Variants in OR10K2 observed in about 807,000 individuals in gnomAD.
The protein encoded by OR10K2 is olfactory receptor family 10 subfamily K member 2, also known as olfactory receptor 10K2.
For missense variants in OR10K2, 401 were observed against 367.1 expected, an observed-to-expected ratio of 1.09 and a Z score of -0.76; for synonymous variants, 169 against 146.4, an observed-to-expected ratio of 1.15 and a Z score of -1.11.
chr1:158,419,767 C>A lies in OR10K2; in HGVS notation c.*161G>T. The A allele has an allele frequency of 1.7e-6, 1 of 594,314 alleles. No individual in the cohort carries two copies. The highest frequency in any genetic ancestry group is 1.9e-5 in the African/African-American group (1 of 53,560). 36.8% of individuals were successfully genotyped at this position (594,314 alleles called of 1,614,324 possible). A position where few individuals can be genotyped will look rare whatever the true frequency, so the allele number is the denominator to read the frequency against. ...CTGAGATTACAGGAGCCCACCACAG[C>A]ATCCGGTTAATTTGTATATTTTTTG... On this transcript the variant is annotated 3_prime_UTR_variant, in exon 2 of 2. Transcript: ENST00000641042.
intron 1 of OR10K2, among the ~76,000 whole-genome samples, chr1:158,424,783 C>T (rs1400364678): frequency 7.7e-6 from 1 of 130,408 alleles, no homozygotes; most frequent in Admixed American, 7.5e-5. Context: ...CAGTATTCAA[C>T]ACTCTCCTTC....
chr1:158,420,418 G>T lies in OR10K2; in HGVS notation c.449C>A (p.Ala150Asp), dbSNP rs780983691. 1 of 1,613,892 alleles carries T rather than the reference G, an allele frequency of 6.2e-7. No homozygotes were observed. Among genetic ancestry groups the T allele is most frequent in the Non-Finnish European group, 8.5e-7 (1 of 1,179,918 alleles). The change falls in exon 2 of 2, where the codon GCC (alanine) becomes GAC (aspartate). Residue 150 changes from alanine (A) to aspartate (D), a missense_variant. Transcript: ENST00000641042. The stretch of plus-strand genomic sequence containing the variant: ...GATCTGTGCAACAGTGAAGCCACAG[G>T]CACAGGCAGCAGCCACTAGTCCCAT... ...VCMGLVAAACACGFTVAQIIT... is the reference protein window; with the variant it reads ...VCMGLVAAACDCGFTVAQIIT...
At chr1:158,424,426 A>G (rs1250280276) in intron 1 of OR10K2, among the ~76,000 whole-genome samples, 2 of 151,984 alleles carry the variant, frequency 1.3e-5, no homozygotes, top group Non-Finnish European at 2.9e-5. Context: ...CATTGTGTCT[A>G]TCAATATTGC....
chr1:158,421,008 C>T, intron 1 of OR10K2, 81 bp from the exon 2 acceptor site: 2 of 763,794 alleles, frequency 2.6e-6, no homozygotes, highest in Non-Finnish European at 4.1e-6. Context: ...CTTTTCTCCT[C>T]CCTCTTGTTT....
chr1:158,420,636 A>G lies in OR10K2; in HGVS notation c.231T>C (p.Ile77=). ...SCSEICYTFI[I]VPKMLVDLLS... ...GCAGGTCAACCAGCATCTTGGGTAC[A>G]ATGATGAAGGTGTAGCAAATCTCAG... The change falls in exon 2 of 2, where the codon ATT becomes ATC. Residue 77 remains isoleucine, a synonymous_variant. Transcript: ENST00000641042. The G allele has an allele frequency of 6.2e-7, 1 of 1,613,904 alleles. No homozygotes were observed. Among genetic ancestry groups the G allele is most frequent in the South Asian group, 1.1e-5 (1 of 91,078 alleles).
intron 1 of OR10K2, among the ~76,000 whole-genome samples, chr1:158,422,852 A>T (rs1490269497): frequency 6.6e-6 from 1 of 152,038 alleles, no homozygotes; most frequent in Non-Finnish European, 1.5e-5. Context: ...AGATATTATT[A>T]AAAATGTGGT....
rs1054032078 is a variant in OR10K2, at chr1:158,419,703, TG to T, written c.*224del. The T allele has an allele frequency of 6.2e-4, 249 of 401,052 alleles. 2 individuals carry two copies. The East Asian group carries it at 0.011, about 17-fold the overall frequency. The allele number at this position is 401,052 out of a possible 1,614,324, so 24.8% of individuals were successfully genotyped here. ...AATCTCACTGCAACCTTCTGCCTCCTGGGTTCAAGTGATTCTCCTGTCTCAG... is the reference window on the plus strand; with the variant it reads ...AATCTCACTGCAACCTTCTGCCTCCTGGTTCAAGTGATTCTCCTGTCTCAG... On this transcript the variant is annotated 3_prime_UTR_variant, in exon 2 of 2. Coordinates refer to ENST00000641042, the MANE Select transcript of OR10K2 (RefSeq NM_001004476.2).
At chr1:158,425,617 G>A (rs1557862364) in intron 1 of OR10K2, among the ~76,000 whole-genome samples, 2 of 151,792 alleles carry the variant, frequency 1.3e-5, no homozygotes, top group African/African-American at 2.4e-5. Flanking sequence ...CACATATTAG[G>A]TATTATATCT....
At chr1:158,422,994 A>G (rs1039542053) in intron 1 of OR10K2, among the ~76,000 whole-genome samples, 1 of 152,038 alleles carries the variant, frequency 6.6e-6, no homozygotes, top group African/African-American at 2.4e-5. Context: ...AAAAGGCTGA[A>G]CTAAGTATAC....
At chr1:158,425,812 GAA>G (rs202186077) in intron 1 of OR10K2, 119 bp downstream of exon 1, 3 of 152,066 alleles carry the variant, frequency 2.0e-5, no homozygotes, top group Non-Finnish European at 4.4e-5. Flanking sequence ...CAATTTTGCA[GAA>G]AAACACTTTA....
chr1:158,423,303 T>C lies in OR10K2; in HGVS notation c.-61-2376A>G, dbSNP rs372994979. Among the ~76,000 whole-genome samples, 3 of 151,726 alleles carry C rather than the reference T, an allele frequency of 2.0e-5. No individual in the cohort carries two copies. The East Asian group carries it at 5.8e-4, about 29-fold the overall frequency. On this transcript the variant is annotated intron_variant, in intron 1 of 1. Coordinates refer to ENST00000641042, the MANE Select transcript of OR10K2 (RefSeq NM_001004476.2). ...ATTAACTTTCAAATTCTATATTCTC[T>C]AGTTTTTAGTACTACTAATAAATTT...
chr1:158,423,105 G>T (rs1655189670), intron 1 of OR10K2, among the ~76,000 whole-genome samples: 1 of 151,738 alleles, frequency 6.6e-6, no homozygotes, highest in Non-Finnish European at 1.5e-5. Flanking sequence ...CTTGCTCCTG[G>T]AAGAGTGCAA....
chr1:158,422,063 T>C (rs183485172), intron 1 of OR10K2, among the ~76,000 whole-genome samples: 129 of 152,220 alleles, frequency 8.5e-4, no homozygotes, highest in African/African-American at 2.8e-3. Context: ...ACATAAGACA[T>C]TGATTGCCAA....
At chr1:158,425,864 T>C (rs1655243942) in intron 1 of OR10K2, 69 bp downstream of exon 1, 1 of 152,120 alleles carries the variant, frequency 6.6e-6, no homozygotes, top group African/African-American at 2.4e-5. Context: ...TGATGTACTT[T>C]TAATTGTGAG....
chr1:158,424,840 TG>T (rs1655221293), intron 1 of OR10K2, among the ~76,000 whole-genome samples: 2 of 152,136 alleles, frequency 1.3e-5, no homozygotes, highest in Non-Finnish European at 2.9e-5. Flanking sequence ...AATTTTGTTA[TG>T]GCCTCAGTTT....
chr1:158,425,199 C>T (rs548066996), intron 1 of OR10K2, among the ~76,000 whole-genome samples: 1 of 152,102 alleles, frequency 6.6e-6, no homozygotes, highest in Non-Finnish European at 1.5e-5. Context: ...GTCTCTTACT[C>T]AAGAGGTCTC....
chr1:158,421,227 A>G (rs75076876), intron 1 of OR10K2, among the ~76,000 whole-genome samples: 6,621 of 152,010 alleles, frequency 0.044, 280 homozygotes, highest in African/African-American at 0.11. Flanking sequence ...GCTTTCTTGT[A>G]TCTGTATTCT....
At chr1:158,422,512 G>T (rs1409845718) in intron 1 of OR10K2, among the ~76,000 whole-genome samples, 1 of 152,058 alleles carries the variant, frequency 6.6e-6, no homozygotes, top group Non-Finnish European at 1.5e-5. Flanking sequence ...TGTACCTAAG[G>T]TGATTCCCAA....
At chr1:158,424,490 A>C (rs182377222) in intron 1 of OR10K2, among the ~76,000 whole-genome samples, 1 of 152,226 alleles carries the variant, frequency 6.6e-6, no homozygotes, top group African/African-American at 2.4e-5. Flanking sequence ...TCAGTTTATT[A>C]ATCAAAATTT....
Sources: allele counts gnomAD v4.1 joint callset (sites outside exome capture counted in the v4.1 genomes callset), GRCh38; gene constraint gnomAD v4.1.1; transcripts MANE v1.5; gene names NCBI Gene and HGNC (gene_info 2026-07-23, HGNC 2026-07-21).